The following ZDHHC23 variants were observed in gnomAD, a reference collection of about 807,000 sequenced individuals.
ZDHHC23 encodes the protein palmitoyltransferase ZDHHC23.
Under a neutral mutation model 40.2 loss-of-function variants are expected in ZDHHC23, and 41 were observed. The ratio of observed to expected loss-of-function variants is 1.02; its 90% CI spans 0.79 to 1.32. The LOEUF (loss-of-function observed/expected upper bound fraction) is 1.32. Ranked by LOEUF, ZDHHC23 falls within the 40% of genes most tolerant of loss-of-function variation. ZDHHC23 has a pLI of 0.00. For missense variants in ZDHHC23, 471 were observed against 541.5 expected (o/e 0.87, Z 1.29); for synonymous variants, 204 against 210.2 (o/e 0.97, Z 0.26).
chr3:113,968,715 C>T (rs971643478), downstream of ZDHHC23, among the ~76,000 whole-genome samples: 1 of 152,014 alleles, frequency 6.6e-6, no homozygotes, highest in African/African-American at 2.4e-5. Context: ...CCACCTTAGC[C>T]TCCCAAAGTG....
In ZDHHC23 at chr3:113,959,516, ACCAGG is replaced by A. The variant is rs1460863945; in HGVS notation, c.*887_*891del. ...TGTGTTTTTCCTCTTCCCATGTTTC[ACCAGG>A]TAAGGTGCTAGCACACTTGTGACTG... On this transcript the variant is annotated 3_prime_UTR_variant, in exon 5 of 5. Coordinates refer to ENST00000638807, the MANE Select transcript of ZDHHC23 (RefSeq NM_001320466.2). 1 of 1,277,688 alleles carries A rather than the reference ACCAGG, an allele frequency of 7.8e-7. No homozygotes were observed. The highest frequency in any genetic ancestry group is 1.2e-5 in the South Asian group (1 of 80,054). 79.1% of individuals were successfully genotyped at this position (1,277,688 alleles called of 1,614,324 possible).
rs1437120811 is a variant in ZDHHC23, at chr3:113,958,687, A to G, written c.*57A>G. The G allele has an allele frequency of 1.3e-6, 2 of 1,593,768 alleles. No individual in the cohort carries two copies. Among genetic ancestry groups the G allele is most frequent in the Admixed American group, 3.4e-5 (2 of 59,642 alleles). On this transcript the variant is annotated 3_prime_UTR_variant, in exon 5 of 5. Coordinates refer to ENST00000638807, the MANE Select transcript of ZDHHC23 (RefSeq NM_001320466.2). ...TGGCTCCTCCTTCCGTCTCCCTTCCATTTTACACTTCAGTGTCCATTTCTA... is the reference window on the plus strand; with the variant it reads ...TGGCTCCTCCTTCCGTCTCCCTTCCGTTTTACACTTCAGTGTCCATTTCTA...
chr3:113,963,319 A>G lies in ZDHHC23; in HGVS notation c.*4689A>G, dbSNP rs982170057. 9 of 152,154 alleles carry G rather than the reference A, an allele frequency of 5.9e-5. No individual in the cohort carries two copies. Among genetic ancestry groups the G allele is most frequent in the African/African-American group, 2.2e-4 (9 of 41,436 alleles). 9.4% of individuals were successfully genotyped at this position (152,154 alleles called of 1,614,324 possible). ...TGGAATATGGGCTGCTAAAGACTCA[A>G]TTTCTAGTTGATGTTTGAGGTGAGG... On this transcript the variant is annotated 3_prime_UTR_variant, in exon 5 of 5. Coordinates refer to ENST00000638807, the MANE Select transcript of ZDHHC23 (RefSeq NM_001320466.2).
chr3:113,950,775 C>T (rs138829308), intron 2 of ZDHHC23, among the ~76,000 whole-genome samples: 9 of 152,146 alleles, frequency 5.9e-5, no homozygotes, highest in African/African-American at 1.9e-4. Context: ...TTTCAAGATA[C>T]GATTCATCCT....
chr3:113,960,872 A>C lies in ZDHHC23; in HGVS notation c.*2242A>C. 7.3e-7 allele frequency: 1 copy of C among 1,360,742 alleles called. No homozygotes were observed. Among genetic ancestry groups the C allele is most frequent in the South Asian group, 1.6e-5 (1 of 62,582 alleles). 84.3% of individuals were successfully genotyped at this position (1,360,742 alleles called of 1,614,324 possible). Reference sequence around the variant, plus strand: ...GAATGCTTAAACCTGTCAAAAGATGAGTGATCTTGTGTGGGAAAAGCCTTC... The same window carrying C: ...GAATGCTTAAACCTGTCAAAAGATGCGTGATCTTGTGTGGGAAAAGCCTTC... On this transcript the variant is annotated 3_prime_UTR_variant, in exon 5 of 5. Transcript: ENST00000638807.
chr3:113,968,911 T>G (rs1225503425), downstream of ZDHHC23, among the ~76,000 whole-genome samples: 1 of 151,998 alleles, frequency 6.6e-6, no homozygotes, highest in Non-Finnish European at 1.5e-5. Context: ...AAGAGGTTTA[T>G]TGGACTTGCA....
At chr3:113,954,537 G>C in intron 3 of ZDHHC23, 127 bp downstream of exon 3, 3 of 913,740 alleles carry the variant, frequency 3.3e-6, no homozygotes, top group Non-Finnish European at 4.8e-6. Flanking sequence ...AGATATTTGT[G>C]GGTTGTTGTG....
rs1308756263 is a variant in ZDHHC23, at chr3:113,954,173, G to A, written c.635G>A (p.Cys212Tyr). 1.2e-6 allele frequency: 2 copies of A among 1,614,108 alleles called. No individual in the cohort carries two copies. Among genetic ancestry groups the A allele is most frequent in the African/African-American group, 1.3e-5 (1 of 74,936 alleles). ...DRSLSSSQLE[C>Y]LSRKGQEKTK... ...TCTCTAAGCAGCAGCCAGCTGGAGT[G>A]CCTGAGCAGAAAAGGGCAGGAGAAG... The change falls in exon 3 of 5, where the codon TGC (cysteine) becomes TAC (tyrosine). Residue 212 changes from cysteine (C) to tyrosine (Y), a missense_variant. Coordinates refer to ENST00000638807, the MANE Select transcript of ZDHHC23 (RefSeq NM_001320466.2).
intron 2 of ZDHHC23, among the ~76,000 whole-genome samples, chr3:113,951,374 G>C (rs1188229505): frequency 6.6e-6 from 1 of 152,186 alleles, no homozygotes; most frequent in Non-Finnish European, 1.5e-5. Context: ...GGCCTCTACA[G>C]CTCCTACACT....
Position 113,958,390 on chromosome 3 carries a change from G to A in ZDHHC23, c.1068G>A (p.Trp356Ter). 6.2e-7 allele frequency: 1 copy of A among 1,614,116 alleles called. No homozygotes were observed. The highest frequency in any genetic ancestry group is 1.1e-5 in the South Asian group (1 of 91,078). Reference protein sequence around the residue: ...YSSALSFTCVWYSVIITAGMA... With the variant: ...YSSALSFTCV ...CGGCTCTGTCCTTCACCTGCGTGTG[G>A]TACTCTGTGATCATCACAGCAGGCA... The change falls in exon 5 of 5, where the codon TGG becomes TGA. Residue 356 changes from tryptophan (W) to a stop codon, truncating the protein, a stop_gained. Transcript: ENST00000638807. LOFTEE classifies it high-confidence loss of function.
Position 113,953,765 on chromosome 3 carries a change from G to A in ZDHHC23, c.227G>A (p.Arg76His), listed in dbSNP as rs372445676. 22 of 1,613,986 alleles carry A rather than the reference G, an allele frequency of 1.4e-5. No individual in the cohort carries two copies. In the African/African-American group the frequency reaches 2.5e-4, roughly 19 times the overall value. The change falls in exon 3 of 5, where the codon CGC (arginine) becomes CAC (histidine). Residue 76 changes from arginine (R) to histidine (H), a missense_variant. Arg to His is a conservative substitution (Grantham distance 29). This residue lies in a region of ZDHHC23 where 42 missense variants were observed against 73.9 expected (regional missense o/e 0.57). Transcript: ENST00000638807. ...AGAATCATGGATACAATTTCTGATC[G>A]CCTCCGAATTCCTTGGCTTAGGGGA... is the stretch of plus-strand genomic sequence containing the variant. ...CERIMDTISD[R>H]LRIPWLRGAK...
In ZDHHC23 at chr3:113,960,244, A is replaced by G; in HGVS notation, c.*1614A>G. 1 of 1,006,778 alleles carries G rather than the reference A, an allele frequency of 9.9e-7. No individual in the cohort carries two copies. Among genetic ancestry groups the G allele is most frequent in the Non-Finnish European group, 1.2e-6 (1 of 843,520 alleles). The allele number at this position is 1,006,778 out of a possible 1,614,324, so 62.4% of individuals were successfully genotyped here. On this transcript the variant is annotated 3_prime_UTR_variant, in exon 5 of 5. Coordinates refer to ENST00000638807, the MANE Select transcript of ZDHHC23 (RefSeq NM_001320466.2). ...TTGCCATTAATTGGAGCTGTCCTTA[A>G]GATGGTCACCATATTCTTATTCAGG...
At chr3:113,958,176 G>C (rs1045460255) in intron 4 of ZDHHC23, among the ~76,000 whole-genome samples, 187 bp from the exon 5 acceptor site, 3 of 151,924 alleles carry the variant, frequency 2.0e-5, no homozygotes, top group Non-Finnish European at 2.9e-5. Context: ...AGTAATTATA[G>C]AATAAACACA....
At chr3:113,978,460 A>C in the ZDHHC23 span, 5 of 953,402 alleles carry the variant, frequency 5.2e-6, no homozygotes, top group Non-Finnish European at 7.7e-6. Context: ...TACAAAGAAA[A>C]GGATAACCTG....
Position 113,959,791 on chromosome 3 carries a change from C to G in ZDHHC23, c.*1161C>G, listed in dbSNP as rs1939559256. 9.4e-7 allele frequency: 1 copy of G among 1,064,530 alleles called. No individual in the cohort carries two copies. The highest frequency in any genetic ancestry group is 3.9e-5 in the Admixed American group (1 of 25,824). The allele number at this position is 1,064,530 out of a possible 1,614,324, so 65.9% of individuals were successfully genotyped here. A position where few individuals can be genotyped will look rare whatever the true frequency, so the allele number is the denominator to read the frequency against. On this transcript the variant is annotated 3_prime_UTR_variant, in exon 5 of 5. Transcript: ENST00000638807. ...TTCTCAATTACCCCTCCCTAAATAA[C>G]AGTATCTCACTAAGAGAGAAGAAAC... is the stretch of plus-strand genomic sequence containing the variant.
chr3:113,948,918 C>A lies in ZDHHC23; in HGVS notation c.116C>A (p.Ala39Asp). 6.2e-7 allele frequency: 1 copy of A among 1,614,130 alleles called. No homozygotes were observed. Among genetic ancestry groups the A allele is most frequent in the Non-Finnish European group, 8.5e-7 (1 of 1,180,038 alleles). The change falls in exon 2 of 5, where the codon GCT becomes GAT. Residue 39 changes from alanine (A) to aspartate (D), a missense_variant. Ala to Asp is a moderately radical substitution (Grantham distance 126). Around this residue, in one of 3 missense-constraint regions of ZDHHC23, gnomAD observed 83 missense variants for 67.8 expected, o/e 1.22. Transcript: ENST00000638807. The stretch of plus-strand genomic sequence containing the variant: ...CGGAATGGGGAAAAGAACCACGTGG[C>A]TACTTGTTTGTGTGATTGTCAAGAT... ...IDRNGEKNHV[A>D]TCLCDCQDLD... is the part of the protein sequence containing the mutation.
chr3:113,958,194 T>G (rs1309897275), intron 4 of ZDHHC23, among the ~76,000 whole-genome samples, 169 bp from the exon 5 acceptor site: 3 of 152,170 alleles, frequency 2.0e-5, no homozygotes, highest in Non-Finnish European at 1.5e-5. Context: ...ACACACATTC[T>G]CCTACTTAAG....
chr3:113,978,638 G>A, the ZDHHC23 span: 2 of 610,846 alleles, frequency 3.3e-6, no homozygotes, highest in African/African-American at 3.7e-5. Flanking sequence ...ATAACTTACA[G>A]TTTATACACA....
At chr3:113,956,281 TTATATC>T (rs1939220710) in intron 3 of ZDHHC23, 52 bp from the exon 4 acceptor site, 1 of 1,532,244 alleles carries the variant, frequency 6.5e-7, no homozygotes. Flanking sequence ...ATTATGTAAG[TTATATC>T]AAGAACTCTT....
Sources: gnomAD v4.1 joint callset for allele counts (sites outside exome capture counted in the v4.1 genomes callset) on GRCh38, gnomAD v4.1.1 for gene constraint, gnomAD v4.1.1 regional missense constraint, MANE v1.5 for transcripts, NCBI Gene and HGNC (gene_info 2026-07-23, HGNC 2026-07-21) for gene names.